SLC24A5: variants seen among roughly 807,000 people sequenced by gnomAD.
The protein encoded by SLC24A5 is sodium/potassium/calcium exchanger 5.
In SLC24A5, 46 loss-of-function variants were observed where a neutral mutation model predicts 51.6. The observed-to-expected ratio is 0.89, with a 90% CI of 0.70 to 1.14. The LOEUF (loss-of-function observed/expected upper bound fraction) is 1.14. Ranked by LOEUF, SLC24A5 falls within the 50% of genes most tolerant of loss-of-function variation. SLC24A5 has a pLI of 0.00. For synonymous variants in SLC24A5, 230 were observed against 214.9 expected (o/e 1.07, Z -0.62); for missense variants, 581 against 604.1 (o/e 0.96, Z 0.40).
intron 5 of SLC24A5, chr15:48,135,671 A>G (rs892784149): frequency 6.6e-6 from 1 of 151,824 alleles, no homozygotes; most frequent in African/African-American, 2.4e-5. Context: ...TACACAGGTT[A>G]TATACATTGC....
intron 2 of SLC24A5, chr15:48,122,247 C>T (rs2038687442): frequency 1.7e-6 from 1 of 597,130 alleles, no homozygotes; most frequent in Non-Finnish European, 3.0e-6. Context: ...AGTTAGAACC[C>T]GGCAGTTATT....
chr15:48,125,865 A>T (rs757405532), intron 2 of SLC24A5, among the ~76,000 whole-genome samples: 2 of 152,176 alleles, frequency 1.3e-5, no homozygotes, highest in Admixed American at 6.5e-5. Context: ...AACCTAGAAT[A>T]CAATGGAAGG....
At chr15:48,129,093 A>G (rs2038762187) in intron 2 of SLC24A5, among the ~76,000 whole-genome samples, 1 of 152,094 alleles carries the variant, frequency 6.6e-6, no homozygotes, top group East Asian at 1.9e-4. Context: ...CCACTGTAAT[A>G]TTACAGCTGT....
chr15:48,132,028 C>CA (rs1409920785), intron 2 of SLC24A5, among the ~76,000 whole-genome samples: 2 of 152,062 alleles, frequency 1.3e-5, no homozygotes, highest in Non-Finnish European at 2.9e-5. Context: ...CCACATCTTT[C>CA]AAAATGAAAG....
intron 2 of SLC24A5, among the ~76,000 whole-genome samples, chr15:48,125,998 C>T (rs538085595): frequency 2.0e-5 from 3 of 152,262 alleles, no homozygotes; most frequent in East Asian, 3.9e-4. Context: ...TTGTCATCTC[C>T]GTGCAGCGAT....
chr15:48,123,057 A>G (rs1240137122), intron 2 of SLC24A5: 2 of 152,046 alleles, frequency 1.3e-5, no homozygotes, highest in Non-Finnish European at 2.9e-5. Flanking sequence ...TGCAAAGCGA[A>G]TTATTTCCTC....
chr15:48,125,788 AG>A (rs1446098533), intron 2 of SLC24A5, among the ~76,000 whole-genome samples: 1 of 152,200 alleles, frequency 6.6e-6, no homozygotes, highest in Admixed American at 6.5e-5. Flanking sequence ...ATCATAATGT[AG>A]TACAGTGGAA....
intron 5 of SLC24A5, chr15:48,136,143 C>G (rs975693849): frequency 6.6e-6 from 1 of 152,100 alleles, no homozygotes; most frequent in African/African-American, 2.4e-5. Flanking sequence ...CAGCTACATT[C>G]AAATCATTAA....
chr15:48,135,707 T>C (rs1345729180), intron 5 of SLC24A5: 2 of 140,474 alleles, frequency 1.4e-5, no homozygotes, highest in East Asian at 5.1e-4. Flanking sequence ...ACCAGAAAAA[T>C]ATGAAAAAAA....
chr15:48,133,379 G>C lies in SLC24A5; in HGVS notation c.302-879G>C, dbSNP rs868293262. 6.6e-5 allele frequency among the ~76,000 whole-genome samples: 10 copies of C among 152,186 alleles called. 1 individual carries two copies. The Middle Eastern group carries it at 0.017, about 259-fold the overall frequency. The stretch of plus-strand genomic sequence containing the variant: ...CCTATCTCGGCCTACGGCTTTCTCT[G>C]TTCCTTCCCATGGTAGGTCCCTTGG... On this transcript the variant is annotated intron_variant, in intron 2 of 8. Transcript: ENST00000341459.
chr15:48,136,148 C>G (rs2038892599), intron 5 of SLC24A5: 1 of 152,108 alleles, frequency 6.6e-6, no homozygotes, highest in Admixed American at 6.6e-5. Flanking sequence ...ACATTCAAAT[C>G]ATTAAAAATG....
At chr15:48,137,786 GT>G (rs1243105774) in intron 6 of SLC24A5, 2 of 152,088 alleles carry the variant, frequency 1.3e-5, no homozygotes, top group East Asian at 3.9e-4. Flanking sequence ...AAAGGGGCTG[GT>G]TTGGAAGAAA....
chr15:48,139,043 A>C lies in SLC24A5; in HGVS notation c.946A>C (p.Thr316Pro). 1 of 1,613,110 alleles carries C rather than the reference A, an allele frequency of 6.2e-7. No homozygotes were observed. Among genetic ancestry groups the C allele is most frequent in the Non-Finnish European group, 8.5e-7 (1 of 1,179,294 alleles). The change falls in exon 7 of 9, where the codon ACA (threonine) becomes CCA (proline). Residue 316 changes from threonine (T) to proline (P), a missense_variant. Thr to Pro is a conservative substitution (Grantham distance 38). Coordinates refer to ENST00000341459, the MANE Select transcript of SLC24A5 (RefSeq NM_205850.3). The part of the protein sequence containing the change: ...IFWVLSLPII[T>P]LLFLTTPDCR... Reference sequence around the variant, plus strand: ...TTGGGTATTATCCCTTCCTATTATTACATTACTTTTTCTAACCACACCAGA... The same window carrying C: ...TTGGGTATTATCCCTTCCTATTATTCCATTACTTTTTCTAACCACACCAGA...
At chr15:48,140,444 A>G (rs1230298329) in intron 7 of SLC24A5, 1 of 152,218 alleles carries the variant, frequency 6.6e-6, no homozygotes, top group Admixed American at 6.5e-5. Flanking sequence ...GAACAGTTAC[A>G]TAACCTTTTG....
Position 48,139,160 on chromosome 15 carries a change from A to C in SLC24A5, c.1063A>C (p.Met355Leu), listed in dbSNP as rs767088796. Residue 355 changes from methionine to leucine, a missense_variant, in exon 7 of 9, where the codon ATG (methionine) becomes CTG (leucine). Transcript: ENST00000341459. Reference protein sequence around the residue: ...ISAFTYILVWMVTITGETLEI... With the variant: ...ISAFTYILVWLVTITGETLEI... The stretch of plus-strand genomic sequence containing the variant: ...CGCATTTACATATATCCTGGTTTGG[A>C]TGGTCACAATAACTGGTATGTATTT... The C allele has an allele frequency of 6.2e-7, 1 of 1,611,464 alleles. No homozygotes were observed. Among genetic ancestry groups the C allele is most frequent in the South Asian group, 1.1e-5 (1 of 90,974 alleles).
At chr15:48,133,998 C>T (rs80228496) in intron 2 of SLC24A5, among the ~76,000 whole-genome samples, 2,106 of 152,240 alleles carry the variant, frequency 0.014, 43 homozygotes, top group African/African-American at 0.048. Flanking sequence ...GAACGCTTTT[C>T]TGGGTTCCAA....
Position 48,123,162 on chromosome 15 carries a change from A to G in SLC24A5, c.301+1126A>G, listed in dbSNP as rs1413138687. 3 of 151,658 alleles carry G rather than the reference A, an allele frequency of 2.0e-5. No individual in the cohort carries two copies. The East Asian group carries it at 5.8e-4, about 29-fold the overall frequency. 9.4% of individuals were successfully genotyped at this position (151,658 alleles called of 1,614,324 possible). On this transcript the variant is annotated intron_variant, in intron 2 of 8. Coordinates refer to ENST00000341459, the MANE Select transcript of SLC24A5 (RefSeq NM_205850.3). ...ACACCTATCTGTTTAATGAAAATATATAATATATATATATATGATAGATTA... is the reference window on the plus strand; with the variant it reads ...ACACCTATCTGTTTAATGAAAATATGTAATATATATATATATGATAGATTA...
chr15:48,136,175 G>A (rs953119089), intron 5 of SLC24A5: 1 of 151,998 alleles, frequency 6.6e-6, no homozygotes, highest in African/African-American at 2.4e-5. Flanking sequence ...ATGACAAACT[G>A]AAAAATCCCA....
chr15:48,136,747 A>G lies in SLC24A5; in HGVS notation c.655A>G (p.Lys219Glu). 6.2e-7 allele frequency: 1 copy of G among 1,613,562 alleles called. No individual in the cohort carries two copies. The change falls in exon 6 of 9, where the codon AAA (lysine) becomes GAA (glutamate). Residue 219 changes from lysine to glutamate, a missense_variant. Transcript: ENST00000341459. ...LYVLVLCFDI[K>E]INQYIIKKCS... ...TGTTTTGGTGCTGTGTTTTGACATTAAAATTAACCAATATATTATAAAGAA... is the reference window on the plus strand; with the variant it reads ...TGTTTTGGTGCTGTGTTTTGACATTGAAATTAACCAATATATTATAAAGAA...
Sources: gnomAD v4.1 joint callset for allele counts (sites outside exome capture counted in the v4.1 genomes callset) on GRCh38, gnomAD v4.1.1 for gene constraint, MANE v1.5 for transcripts, NCBI Gene and HGNC (gene_info 2026-07-23, HGNC 2026-07-21) for gene names.